NIPBL: variants seen among roughly 807,000 people sequenced by gnomAD.
The protein encoded by NIPBL is NIPBL cohesin loading factor, also known as nipped-B-like protein.
Under a neutral mutation model 321.8 loss-of-function variants are expected in NIPBL, and 19 were observed. The ratio of observed to expected loss-of-function variants is 0.06; its 90% confidence interval spans 0.04 to 0.09. The LOEUF is 0.09. Among genes scored for constraint, NIPBL ranks in the 10% least tolerant of loss-of-function variants. The pLI, the probability that NIPBL is intolerant of heterozygous loss-of-function variation, is 1.00. For synonymous variants in NIPBL, 1,106 were observed against 1,114.1 expected, an observed-to-expected ratio of 0.99 and a Z score of 0.14; for missense variants, 2,210 against 3,327.0, an observed-to-expected ratio of 0.66 and a Z score of 8.26.
At chr5:37,064,168 A>AT in intron 46 of NIPBL, 190 bp downstream of exon 46, 2 of 1,420,870 alleles carry the variant, frequency 1.4e-6, no homozygotes, top group South Asian at 1.7e-5. Flanking sequence ...ATAAAAGACA[A>AT]TAAAAAAACA....
intron 38 of NIPBL, 149 bp downstream of exon 38, chr5:37,046,348 C>A (rs889246370): frequency 1.7e-6 from 1 of 601,664 alleles, no homozygotes; most frequent in Non-Finnish European, 3.0e-6. Context: ...AGGATTAAAA[C>A]AACTGGGTTG....
At chr5:37,041,845 G>T (rs1054922406) in intron 34 of NIPBL, among the ~76,000 whole-genome samples, 1 of 148,850 alleles carries the variant, frequency 6.7e-6, no homozygotes, top group African/African-American at 2.5e-5. Flanking sequence ...GATTATAGGC[G>T]TGAGCCACTG....
intron 21 of NIPBL, among the ~76,000 whole-genome samples, chr5:37,011,416 A>G (rs934983674): frequency 2.0e-5 from 3 of 152,150 alleles, no homozygotes; most frequent in African/African-American, 7.2e-5. Context: ...TTAGCTGGTC[A>G]TGTTGTTGTG....
Position 36,986,298 on chromosome 5 carries a change from A to G in NIPBL, c.3118A>G (p.Lys1040Glu). 6.7e-7 allele frequency: 1 copy of G among 1,499,126 alleles called. No individual in the cohort carries two copies. The highest frequency in any genetic ancestry group is 8.9e-7 in the Non-Finnish European group (1 of 1,127,302). The allele number at this position is 1,499,126 out of a possible 1,614,324, so 92.9% of individuals were successfully genotyped here. The change falls in exon 10 of 47, where the codon AAA becomes GAA. Residue 1040 changes from lysine to glutamate, a missense_variant. Coordinates refer to ENST00000282516, the MANE Select transcript of NIPBL (RefSeq NM_133433.4). ...PIKNKPSKSNKGSIDQSVLKE... is the reference protein window; with the variant it reads ...PIKNKPSKSNEGSIDQSVLKE... ...CAAGAATAAACCATCAAAGTCAAAT[A>G]AAGGTAAGAATACTTCTACTGATGT...
chr5:37,033,628 T>C (rs1751320766), intron 32 of NIPBL, among the ~76,000 whole-genome samples: 1 of 145,992 alleles, frequency 6.8e-6, no homozygotes. Context: ...ACTTTAAAAC[T>C]TTTAGAAAAT....
At chr5:36,937,906 A>G (rs1738622173) in intron 1 of NIPBL, among the ~76,000 whole-genome samples, 1 of 152,088 alleles carries the variant, frequency 6.6e-6, no homozygotes, top group South Asian at 2.1e-4. Flanking sequence ...ATTTTTAGTC[A>G]TATGTATGCA....
rs1351097452 is a variant in NIPBL, at chr5:37,014,695, G to A, written c.4573G>A (p.Val1525Ile). The A allele has an allele frequency of 1.2e-6, 2 of 1,604,364 alleles. No individual in the cohort carries two copies. The highest frequency in any genetic ancestry group is 4.5e-5 in the East Asian group (2 of 44,714). The part of the protein sequence containing the change: ...EDSNKKIDQD[V>I]VITNSYETAM... ...TTTTTCATTCTAGATTGACCAGGAT[G>A]TTGTCATTACTAACTCTTATGAAAC... is the stretch of plus-strand genomic sequence containing the variant. The change falls in exon 22 of 47, where the codon GTT (valine) becomes ATT (isoleucine). Residue 1525 changes from valine to isoleucine, a missense_variant. Physicochemically the swap from Val to Ile is conservative, Grantham distance 29 (BLOSUM62 3). Coordinates refer to ENST00000282516, the MANE Select transcript of NIPBL (RefSeq NM_133433.4).
intron 20 of NIPBL, 45 bp from the exon 21 acceptor site, chr5:37,010,042 G>T (rs778330391): frequency 3.5e-6 from 5 of 1,433,416 alleles, no homozygotes; most frequent in South Asian, 1.2e-5. Context: ...ACATTTAAAT[G>T]AGATTATCTT....
intron 1 of NIPBL, chr5:36,885,536 A>C: frequency 1.9e-6 from 1 of 520,772 alleles, no homozygotes; most frequent in Non-Finnish European, 3.8e-6. Context: ...GGAGAGCAAC[A>C]CCCGGGAGCA....
At chr5:36,937,298 A>G (rs1259935924) in intron 1 of NIPBL, among the ~76,000 whole-genome samples, 1 of 152,202 alleles carries the variant, frequency 6.6e-6, no homozygotes, top group African/African-American at 2.4e-5. Context: ...TTAATAAAAC[A>G]TGTACTTCTG....
In NIPBL at chr5:36,973,634, A is replaced by AT. The variant is rs950653809; in HGVS notation, c.868+1601dup. Among the ~76,000 whole-genome samples, 7 of 151,344 alleles carry AT rather than the reference A, an allele frequency of 4.6e-5. No homozygotes were observed. In the East Asian group the frequency reaches 7.8e-4, roughly 17 times the overall value. ...AGGCACATGCCACCACGCCCGGGTG[A>AT]TTTTTTTTGTATTTTTAGTAGAGAC... On this transcript the variant is annotated intron_variant, in intron 8 of 46. Coordinates refer to ENST00000282516, the MANE Select transcript of NIPBL (RefSeq NM_133433.4).
At chr5:36,949,717 C>A (rs970435767) in intron 1 of NIPBL, among the ~76,000 whole-genome samples, 2 of 151,574 alleles carry the variant, frequency 1.3e-5, no homozygotes, top group African/African-American at 4.8e-5. Context: ...CAAAGTGGCC[C>A]GCCAGAAAGT....
At position 37,063,822 on chromosome 5, in the gene NIPBL, TGAA is replaced by T. The variant is rs752183727; in HGVS notation, c.7907_7909del (p.Glu2636del). 7.4e-6 allele frequency: 12 copies of T among 1,612,628 alleles called. No homozygotes were observed. The highest frequency in any genetic ancestry group is 9.3e-6 in the Non-Finnish European group (11 of 1,179,106). ...TTCTCATGGAACATCTGGACCCTGA[TGAA>T]GAAGAAGAAGAAGGGGAGGTTTCAG... On this transcript the variant is annotated inframe_deletion, in exon 46 of 47. Coordinates refer to ENST00000282516, the MANE Select transcript of NIPBL (RefSeq NM_133433.4).
Position 37,059,185 on chromosome 5 carries a change from G to C in NIPBL, c.7685+20G>C. ...TGATAGGTAAGGTTACATAAGCAGTGAGAGAAAAAACTTCACTCTGTTCAA... is the reference window on the plus strand; with the variant it reads ...TGATAGGTAAGGTTACATAAGCAGTCAGAGAAAAAACTTCACTCTGTTCAA... On this transcript the variant is annotated intron_variant, in intron 44 of 46. Transcript: ENST00000282516. 1.9e-6 allele frequency: 3 copies of C among 1,613,172 alleles called. No homozygotes were observed. Among genetic ancestry groups the C allele is most frequent in the Non-Finnish European group, 2.5e-6 (3 of 1,179,526 alleles).
At chr5:36,921,899 T>G (rs944285685) in intron 1 of NIPBL, among the ~76,000 whole-genome samples, 14 of 151,788 alleles carry the variant, frequency 9.2e-5, no homozygotes, top group Middle Eastern at 3.2e-3. Context: ...TTTGTTTTTT[T>G]TTTTTGAAAC....
At chr5:36,975,113 C>T (rs1045383619) in intron 8 of NIPBL, among the ~76,000 whole-genome samples, 4 of 151,904 alleles carry the variant, frequency 2.6e-5, no homozygotes, top group African/African-American at 7.3e-5. Context: ...ATTTACTGAA[C>T]TTATTTATTT....
intron 32 of NIPBL, among the ~76,000 whole-genome samples, chr5:37,035,485 T>C (rs748785322): frequency 6.6e-6 from 1 of 152,238 alleles, no homozygotes; most frequent in African/African-American, 2.4e-5. Flanking sequence ...GGGGAAAGTT[T>C]AAGCTTGTGC....
intron 1 of NIPBL, among the ~76,000 whole-genome samples, chr5:36,936,449 A>G (rs908624874): frequency 6.6e-6 from 1 of 152,184 alleles, no homozygotes; most frequent in East Asian, 1.9e-4. Flanking sequence ...GCCTAGGAGC[A>G]ATAGGCTATA....
At chr5:36,965,379 G>C (rs1742091735) in intron 6 of NIPBL, among the ~76,000 whole-genome samples, 1 of 152,112 alleles carries the variant, frequency 6.6e-6, no homozygotes, top group African/African-American at 2.4e-5. Flanking sequence ...CAGCAACATA[G>C]AGGGAACTAG....
Sources: allele counts gnomAD v4.1 joint callset (sites outside exome capture counted in the v4.1 genomes callset), GRCh38; gene constraint gnomAD v4.1.1; transcripts MANE v1.5; gene names NCBI Gene and HGNC (gene_info 2026-07-23, HGNC 2026-07-21).